SGCZ: variants seen among roughly 807,000 people sequenced by gnomAD.
SGCZ encodes the protein sarcoglycan zeta.
SGCZ carries 40 observed loss-of-function variants against 41.3 expected under a neutral mutation model. The ratio of observed to expected loss-of-function variants is 0.97; its 90% confidence interval spans 0.75 to 1.26. SGCZ has a LOEUF of 1.26. Ranked by LOEUF, SGCZ falls within the 50% of genes most tolerant of loss-of-function variation. The pLI is 0.00. For synonymous variants in SGCZ, 206 were observed against 137.5 expected, an observed-to-expected ratio of 1.50 and a Z score of -3.49; for missense variants, 552 against 369.8, an observed-to-expected ratio of 1.49 and a Z score of -4.04.
intron 2 of SGCZ, among the ~76,000 whole-genome samples, chr8:14,454,958 G>T (rs1399516705): frequency 2.0e-5 from 3 of 152,126 alleles, no homozygotes; most frequent in Admixed American, 6.5e-5. Flanking sequence ...TGTCTTTGAA[G>T]TTGGTGTAGG....
At chr8:14,860,068 C>A (rs1803667840) in intron 1 of SGCZ, among the ~76,000 whole-genome samples, 1 of 150,202 alleles carries the variant, frequency 6.7e-6, no homozygotes, top group Non-Finnish European at 1.5e-5. Context: ...GGTTCCCTCT[C>A]CACTTTAAAG....
At chr8:14,772,865 G>C (rs990431710) in intron 1 of SGCZ, among the ~76,000 whole-genome samples, 1 of 151,946 alleles carries the variant, frequency 6.6e-6, no homozygotes, top group African/African-American at 2.4e-5. Context: ...CTTTGCTGTT[G>C]TGAATAGTGC....
At chr8:14,473,779 T>C (rs1233910854) in intron 2 of SGCZ, among the ~76,000 whole-genome samples, 2 of 151,462 alleles carry the variant, frequency 1.3e-5, no homozygotes, top group African/African-American at 4.9e-5. Context: ...CTACTAAAAA[T>C]ACAAAAAAAT....
At chr8:14,716,560 A>G (rs1481773972) in intron 1 of SGCZ, among the ~76,000 whole-genome samples, 1 of 152,094 alleles carries the variant, frequency 6.6e-6, no homozygotes, top group African/African-American at 2.4e-5. Flanking sequence ...AGAAAACTAA[A>G]ACATTAATTT....
chr8:14,380,850 G>C (rs112497943), intron 2 of SGCZ, among the ~76,000 whole-genome samples: 2,919 of 151,984 alleles, frequency 0.019, 79 homozygotes, highest in African/African-American at 0.055. Context: ...CAGAGTGAGA[G>C]TCTGTCTCAA....
At chr8:14,420,763 G>A (rs943981796) in intron 2 of SGCZ, among the ~76,000 whole-genome samples, 1 of 151,984 alleles carries the variant, frequency 6.6e-6, no homozygotes, top group African/African-American at 2.4e-5. Flanking sequence ...GTTTGTGCCA[G>A]GTCATTACAG....
intron 2 of SGCZ, among the ~76,000 whole-genome samples, chr8:14,402,974 G>C (rs1188022891): frequency 6.7e-6 from 1 of 149,594 alleles, no homozygotes; most frequent in Non-Finnish European, 1.5e-5. Context: ...TTGAGCAGTG[G>C]TTTGTAGTTC....
chr8:14,470,460 T>C (rs1801183523), intron 2 of SGCZ, among the ~76,000 whole-genome samples: 2 of 152,124 alleles, frequency 1.3e-5, no homozygotes, highest in Admixed American at 1.3e-4. Flanking sequence ...TTCTTATAAA[T>C]GTTGCAAAAT....
chr8:14,466,256 C>A (rs566079490), intron 2 of SGCZ, among the ~76,000 whole-genome samples: 2 of 151,866 alleles, frequency 1.3e-5, no homozygotes, highest in South Asian at 2.1e-4. Context: ...TCTTGGTTGC[C>A]AGTTTTTTTG....
At chr8:14,911,825 A>C (rs954094508) in intron 1 of SGCZ, among the ~76,000 whole-genome samples, 1 of 151,894 alleles carries the variant, frequency 6.6e-6, no homozygotes, top group African/African-American at 2.4e-5. Flanking sequence ...GAAACAAGAC[A>C]CATCTTATCT....
At chr8:15,142,755 G>C (rs1238982515) in intron 1 of SGCZ, among the ~76,000 whole-genome samples, 1 of 151,146 alleles carries the variant, frequency 6.6e-6, no homozygotes, top group Non-Finnish European at 1.5e-5. Flanking sequence ...GGGCCTACAG[G>C]CACACATCAC....
At chr8:14,508,105 C>G (rs1054277554) in intron 2 of SGCZ, among the ~76,000 whole-genome samples, 1 of 152,148 alleles carries the variant, frequency 6.6e-6, no homozygotes, top group African/African-American at 2.4e-5. Flanking sequence ...ACCCTGGTCA[C>G]TGTATTTGAA....
chr8:14,503,557 C>G (rs1426588706), intron 2 of SGCZ, among the ~76,000 whole-genome samples: 5 of 152,116 alleles, frequency 3.3e-5, no homozygotes, highest in African/African-American at 9.7e-5. Context: ...ATCATGAGTT[C>G]AAGAGATCGA....
intron 2 of SGCZ, among the ~76,000 whole-genome samples, chr8:14,446,351 A>G (rs1563334806): frequency 6.6e-6 from 1 of 152,150 alleles, no homozygotes; most frequent in Non-Finnish European, 1.5e-5. Context: ...TTTCAAAACA[A>G]TATGTAACAT....
chr8:14,862,088 T>G (rs1024709762), intron 1 of SGCZ, among the ~76,000 whole-genome samples: 15 of 152,142 alleles, frequency 9.9e-5, no homozygotes, highest in African/African-American at 3.6e-4. Flanking sequence ...AAATAGTATT[T>G]CCTATCACTA....
chr8:14,612,117 C>A (rs1190378896), intron 1 of SGCZ, among the ~76,000 whole-genome samples: 2 of 152,214 alleles, frequency 1.3e-5, no homozygotes, highest in South Asian at 2.1e-4. Context: ...AAAAGTGAGG[C>A]TTTTCTTTTT....
chr8:14,727,269 G>A (rs1810085483), intron 1 of SGCZ, among the ~76,000 whole-genome samples: 1 of 152,126 alleles, frequency 6.6e-6, no homozygotes, highest in Non-Finnish European at 1.5e-5. Flanking sequence ...GAAAGCCACA[G>A]TAAGATTCTA....
At chr8:14,828,219 C>T (rs1373535258) in intron 1 of SGCZ, among the ~76,000 whole-genome samples, 1 of 152,046 alleles carries the variant, frequency 6.6e-6, no homozygotes, top group African/African-American at 2.4e-5. Context: ...GACCAGTTTA[C>T]AAGTAGAAAC....
chr8:14,537,568 T>TC (rs1378037597), intron 2 of SGCZ, among the ~76,000 whole-genome samples: 1 of 151,818 alleles, frequency 6.6e-6, no homozygotes, highest in Non-Finnish European at 1.5e-5. Context: ...TTCTTTTTTT[T>TC]TCACTTCTTG....
Sources: gnomAD v4.1 joint callset for allele counts (sites outside exome capture counted in the v4.1 genomes callset) on GRCh38, gnomAD v4.1.1 for gene constraint, MANE v1.5 for transcripts, NCBI Gene and HGNC (gene_info 2026-07-23, HGNC 2026-07-21) for gene names.